ATG10: variants seen among roughly 807,000 people sequenced by gnomAD.
The protein encoded by ATG10 is ubiquitin-like-conjugating enzyme ATG10.
ATG10 carries 30 observed loss-of-function variants against 32.1 expected under a neutral mutation model. The ratio of observed to expected loss-of-function variants is 0.94; its 90% CI spans 0.70 to 1.27. The LOEUF (loss-of-function observed/expected upper bound fraction) is 1.27. Among genes scored for constraint, ATG10 ranks in the 50% most tolerant of loss-of-function variants. The pLI, the probability that ATG10 is intolerant of heterozygous loss-of-function variation, is 0.00. For synonymous variants in ATG10, 87 were observed against 91.5 expected, an observed-to-expected ratio of 0.95 and a Z score of 0.28; for missense variants, 233 against 262.3, an observed-to-expected ratio of 0.89 and a Z score of 0.77.
At chr5:82,137,002 A>T (rs1766785284) in intron 3 of ATG10, among the ~76,000 whole-genome samples, 1 of 151,780 alleles carries the variant, frequency 6.6e-6, no homozygotes, top group South Asian at 2.1e-4. Flanking sequence ...TGATTGATTC[A>T]GCTATTGGTA....
chr5:82,010,148 T>C, intron 2 of ATG10: 3 of 1,402,918 alleles, frequency 2.1e-6, no homozygotes, highest in Non-Finnish European at 1.0e-6. Context: ...CGCTTTCTTA[T>C]ATTTCTTGTC....
At chr5:82,147,101 T>C (rs577174551) in intron 3 of ATG10, 1 of 154,042 alleles carries the variant, frequency 6.5e-6, no homozygotes, top group Admixed American at 6.5e-5. Context: ...GGTTTAATAA[T>C]TGGGTGACAG....
At position 82,133,660 on chromosome 5, in the gene ATG10, G is replaced by C. The variant is rs1303450634; in HGVS notation, c.217-30739G>C. ...GTAGTTTGAAGTCAGGTAGTGTGAT[G>C]CCTCCAGCTTTGTTCTTTTTGCTGA... is the stretch of plus-strand genomic sequence containing the variant. On this transcript the variant is annotated intron_variant, in intron 3 of 7. Coordinates refer to ENST00000282185, the MANE Select transcript of ATG10 (RefSeq NM_031482.5). Among the ~76,000 whole-genome samples, 4 of 152,238 alleles carry C rather than the reference G, an allele frequency of 2.6e-5. No individual in the cohort carries two copies. In the East Asian group the frequency reaches 7.7e-4, roughly 29 times the overall value.
intron 3 of ATG10, among the ~76,000 whole-genome samples, chr5:82,101,552 A>C (rs138644646): frequency 6.6e-6 from 1 of 152,342 alleles, no homozygotes; most frequent in East Asian, 1.9e-4. Context: ...AGAGGCAAAT[A>C]GCTTGGTATA....
chr5:82,202,637 C>T (rs1015621057), intron 5 of ATG10, among the ~76,000 whole-genome samples: 2 of 152,182 alleles, frequency 1.3e-5, no homozygotes, highest in African/African-American at 2.4e-5. Context: ...TCCTGGGCTT[C>T]TCACTAGAAA....
At chr5:82,184,231 G>A (rs989769299) in intron 5 of ATG10, among the ~76,000 whole-genome samples, 2 of 151,846 alleles carry the variant, frequency 1.3e-5, no homozygotes, top group African/African-American at 4.8e-5. Flanking sequence ...TTTTCCATTA[G>A]AGGTTACAGT....
chr5:82,247,681 C>T (rs1185355788), intron 5 of ATG10, among the ~76,000 whole-genome samples: 1 of 152,182 alleles, frequency 6.6e-6, no homozygotes, highest in African/African-American at 2.4e-5. Flanking sequence ...GTATGAACCA[C>T]ACTTTTTGGT....
In ATG10 at chr5:82,058,596, C is replaced by T. The variant is rs1157463058; in HGVS notation, c.210C>T (p.Pro70=). ...CTACCCATGGACAGACATGTCTTCC[C>T]ATGGAGGTGAGTAGTTTAATGCATC... is the stretch of plus-strand genomic sequence containing the variant. ...GASTHGQTCL[P]MEEAFELPLD... The change falls in exon 3 of 8, where the codon CCC becomes CCT. Residue 70 remains proline (P), a synonymous_variant. Transcript: ENST00000282185. The T allele has an allele frequency of 6.2e-7, 1 of 1,602,456 alleles. No homozygotes were observed. The highest frequency in any genetic ancestry group is 1.1e-5 in the South Asian group (1 of 90,604).
chr5:82,077,879 T>C (rs887909557), intron 3 of ATG10, among the ~76,000 whole-genome samples: 11 of 152,212 alleles, frequency 7.2e-5, no homozygotes, highest in Admixed American at 3.3e-4. Context: ...GAGTATTTTG[T>C]TGGCAGGTTC....
intron 5 of ATG10, among the ~76,000 whole-genome samples, chr5:82,235,344 G>T (rs1746513494): frequency 6.6e-6 from 1 of 152,064 alleles, no homozygotes; most frequent in Admixed American, 6.6e-5. Context: ...TGATTCTGAT[G>T]GTCCTGGGAT....
intron 5 of ATG10, among the ~76,000 whole-genome samples, chr5:82,248,800 A>C (rs1367281468): frequency 6.6e-6 from 1 of 152,036 alleles, no homozygotes; most frequent in Non-Finnish European, 1.5e-5. Flanking sequence ...TTTGAACCAA[A>C]AGCATTTTGC....
At chr5:82,027,122 G>A (rs146001036) in intron 2 of ATG10, among the ~76,000 whole-genome samples, 127 of 151,570 alleles carry the variant, frequency 8.4e-4, no homozygotes, top group African/African-American at 2.9e-3. Context: ...TTATTGGCAG[G>A]GCATGGTGGT....
intron 3 of ATG10, among the ~76,000 whole-genome samples, chr5:82,141,289 A>T (rs1767122581): frequency 1.3e-5 from 2 of 152,092 alleles, no homozygotes; most frequent in Admixed American, 6.5e-5. Flanking sequence ...TGTTACTTGA[A>T]TTTTTTTTGT....
chr5:81,983,395 GC>G, intron 1 of ATG10, among the ~76,000 whole-genome samples: 1 of 147,466 alleles, frequency 6.8e-6, no homozygotes, highest in African/African-American at 2.5e-5. Context: ...GGACGGGGTG[GC>G]TGGCCAGGCG....
At chr5:82,066,574 T>C (rs547113528) in intron 3 of ATG10, among the ~76,000 whole-genome samples, 1 of 152,252 alleles carries the variant, frequency 6.6e-6, no homozygotes, top group South Asian at 2.1e-4. Flanking sequence ...GGTAGAATAT[T>C]ATAGAAAGTG....
intron 3 of ATG10, among the ~76,000 whole-genome samples, chr5:82,098,308 G>GTTTTTTT (rs35693758): frequency 3.5e-5 from 4 of 115,602 alleles, no homozygotes; most frequent in Non-Finnish European, 7.2e-5. Context: ...TTGTTGTTGG[G>GTTTTTTT]TTTTTTTTTT....
intron 3 of ATG10, among the ~76,000 whole-genome samples, chr5:82,096,273 G>C (rs1765061251): frequency 6.6e-6 from 1 of 152,114 alleles, no homozygotes; most frequent in Non-Finnish European, 1.5e-5. Context: ...GATGATTTGG[G>C]TTTAAAATTT....
chr5:82,101,179 T>C (rs1419488752), intron 3 of ATG10, among the ~76,000 whole-genome samples: 1 of 152,180 alleles, frequency 6.6e-6, no homozygotes, highest in African/African-American at 2.4e-5. Flanking sequence ...GGTTGTTCTC[T>C]TATATAAACA....
At chr5:82,120,383 A>G (rs146659510) in intron 3 of ATG10, among the ~76,000 whole-genome samples, 195 of 152,268 alleles carry the variant, frequency 1.3e-3, no homozygotes, top group African/African-American at 4.3e-3. Flanking sequence ...CTGCTCAGGT[A>G]CTATTAGCCT....
Sources: allele counts gnomAD v4.1 joint callset (sites outside exome capture counted in the v4.1 genomes callset), GRCh38; gene constraint gnomAD v4.1.1; transcripts MANE v1.5; gene names NCBI Gene and HGNC (gene_info 2026-07-23, HGNC 2026-07-21).